U2AF1L4: variants seen among roughly 807,000 people sequenced by gnomAD.
The protein encoded by U2AF1L4 is U2 small nuclear RNA auxiliary factor 1 like 4, also known as splicing factor U2AF 26 kDa subunit.
U2AF1L4 carries 21 observed loss-of-function variants against 21.7 expected under a neutral mutation model. The ratio of observed to expected loss-of-function variants is 0.97; its 90% CI spans 0.69 to 1.39. U2AF1L4 has a LOEUF of 1.39. Among genes scored for constraint, U2AF1L4 ranks in the 40% most tolerant of loss-of-function variants. The pLI, the probability that U2AF1L4 is intolerant of heterozygous loss-of-function variation, is 0.00. For synonymous variants in U2AF1L4, 92 were observed against 89.7 expected (o/e 1.03, Z -0.15); for missense variants, 259 against 245.7 (o/e 1.05, Z -0.36).
rs758026468 is a variant in U2AF1L4 at position 35,745,317 on chromosome 19, C to G, written c.44+31G>C. The G allele has an allele frequency of 6.9e-6, 11 of 1,605,012 alleles. No individual in the cohort carries two copies. The Admixed American group carries it at 8.3e-5, about 12-fold the overall frequency. On this transcript the variant is annotated intron_variant, in intron 1 of 5. Transcript: ENST00000378975. ...ACCCCAGTACCCCGGCCCCGACCCC[C>G]CGAGAGTCCACTCCCAGCGCCCGTT...
chr19:35,742,817 C>T lies in U2AF1L4; in HGVS notation c.462-14G>A, dbSNP rs113010913. 44 of 1,606,578 alleles carry T rather than the reference C, an allele frequency of 2.7e-5. No individual in the cohort carries two copies. The Admixed American group carries it at 5.4e-4, about 20-fold the overall frequency. ...CTCGGGGGTGACCTGGGAATAGGAG[C>T]GTTGAGAGTTCTGTTAGAACCCTGA... On this transcript the variant is annotated splice_polypyrimidine_tract_variant and intron_variant, in intron 5 of 5. Coordinates refer to ENST00000378975, the MANE Select transcript of U2AF1L4 (RefSeq NM_001040425.3).
rs200975976 is a variant in U2AF1L4, at chr19:35,744,060, G to C, written c.317C>G (p.Ser106Cys). Residue 106 changes from serine (S) to cysteine (C), a missense_variant, in exon 4 of 6, where the codon TCT (serine) becomes TGT (cysteine). Physicochemically the swap from Ser to Cys is moderately radical, Grantham distance 112 (BLOSUM62 -1). Transcript: ENST00000378975. The part of the protein sequence containing the change: ...FNGQAVHGEL[S>C]PVTDFRESCC... ...TGACTCCCGGAAGTCAGTGACAGGAGACAGCTCACCGTGCACAGCCTGCCC... is the reference window on the plus strand; with the variant it reads ...TGACTCCCGGAAGTCAGTGACAGGACACAGCTCACCGTGCACAGCCTGCCC... The C allele has an allele frequency of 5.7e-4, 926 of 1,613,920 alleles. No individual in the cohort carries two copies. Among genetic ancestry groups the C allele is most frequent in the Non-Finnish European group, 7.2e-4 (851 of 1,180,046 alleles).
At chr19:35,742,894 G>A in intron 5 of U2AF1L4, 91 bp from the exon 6 acceptor site, 1 of 1,218,668 alleles carries the variant, frequency 8.2e-7, no homozygotes, top group Non-Finnish European at 1.2e-6. Context: ...GGATGAGGCA[G>A]GAGGGTGCTG....
chr19:35,744,976 A>T (rs1003447402), intron 2 of U2AF1L4, 149 bp downstream of exon 2: 22 of 801,046 alleles, frequency 2.7e-5, no homozygotes, highest in Non-Finnish European at 4.3e-5. Flanking sequence ...GACCGGTGGG[A>T]GGAGCCTGCA....
rs541320327 is a variant in U2AF1L4, at chr19:35,744,553, C to T, written c.133-132G>A. 1.7e-5 allele frequency: 18 copies of T among 1,057,094 alleles called. No homozygotes were observed. In the South Asian group the frequency reaches 2.1e-4, roughly 13 times the overall value. The allele number at this position is 1,057,094 out of a possible 1,614,324, so 65.5% of individuals were successfully genotyped here. A position where few individuals can be genotyped will look rare whatever the true frequency, so the allele number is the denominator to read the frequency against. On this transcript the variant is annotated intron_variant, in intron 2 of 5. Coordinates refer to ENST00000378975, the MANE Select transcript of U2AF1L4 (RefSeq NM_001040425.3). ...TCACTCACATGACCTGGGGTGGGGG[C>T]GGGCAGGGTGGAATCAGAGTGTAGC...
rs555582805 is a variant in U2AF1L4 at position 35,744,930 on chromosome 19, G to C, written c.132+195C>G. On this transcript the variant is annotated intron_variant, in intron 2 of 5. Transcript: ENST00000378975. ...GCCGCCGTGTGTAGCCTGTACGCAT[G>C]GGGGCGCGACCAAGTTCCCGGGAAA... The C allele has an allele frequency of 3.6e-4, 258 of 710,388 alleles. No homozygotes were observed. In the African/African-American group the frequency reaches 4.0e-3, roughly 11 times the overall value. 44.0% of individuals were successfully genotyped at this position (710,388 alleles called of 1,614,324 possible).
In U2AF1L4 at chr19:35,744,024, T is replaced by C; in HGVS notation, c.353A>G (p.Gln118Arg). Reference sequence around the variant, plus strand: ...TGAACTACCATACCCCATCTCATACTGGCGACAGCATGACTCCCGGAAGTC... The same window carrying C: ...TGAACTACCATACCCCATCTCATACCGGCGACAGCATGACTCCCGGAAGTC... ...VTDFRESCCR[Q>R]YEMGECTRGG... is the part of the protein sequence containing the mutation. The change falls in exon 4 of 6, where the codon CAG becomes CGG. Residue 118 changes from glutamine (Q) to arginine (R), a missense_variant. Gln to Arg is a conservative substitution (Grantham distance 43). Transcript: ENST00000378975. 6.2e-7 allele frequency: 1 copy of C among 1,613,998 alleles called. No individual in the cohort carries two copies. The highest frequency in any genetic ancestry group is 8.5e-7 in the Non-Finnish European group (1 of 1,180,008).
intron 2 of U2AF1L4, 107 bp downstream of exon 2, chr19:35,745,018 T>G (rs1886770929): frequency 9.0e-7 from 1 of 1,114,882 alleles, no homozygotes; most frequent in South Asian, 1.4e-5. Context: ...AGCCGGGCGG[T>G]GGGGAGGGAC....
At chr19:35,745,040 G>A (rs1970503977) in intron 2 of U2AF1L4, 85 bp downstream of exon 2, 1 of 1,375,588 alleles carries the variant, frequency 7.3e-7, no homozygotes, top group African/African-American at 1.4e-5. Context: ...CAGGAACCCG[G>A]AATAGGCGGG....
chr19:35,742,775 G>A lies in U2AF1L4; in HGVS notation c.490C>T (p.His164Tyr). 6.2e-7 allele frequency: 1 copy of A among 1,610,816 alleles called. No homozygotes were observed. Among genetic ancestry groups the A allele is most frequent in the Non-Finnish European group, 8.5e-7 (1 of 1,179,414 alleles). The stretch of plus-strand genomic sequence containing the variant: ...CACCGATGGTTCCTCTCTCGGGGAT[G>A]GTGGCCAGTATGGAACCTCGGGGGT... ...RSPPRFHTGHHPRERNHRCSP... is the reference protein window; with the variant it reads ...RSPPRFHTGHYPRERNHRCSP... The change falls in exon 6 of 6, where the codon CAT (histidine) becomes TAT (tyrosine). Residue 164 changes from histidine to tyrosine, a missense_variant. By Grantham distance (83) the His-to-Tyr change is moderately conservative. Coordinates refer to ENST00000378975, the MANE Select transcript of U2AF1L4 (RefSeq NM_001040425.3).
chr19:35,745,110 C>A lies in U2AF1L4; in HGVS notation c.132+15G>T, dbSNP rs766092256. ...AGGGAGCCGTTAACCCCCGAGGCTCCGTGCCGGGTCTCACCTGGCTGAATG... is the reference window on the plus strand; with the variant it reads ...AGGGAGCCGTTAACCCCCGAGGCTCAGTGCCGGGTCTCACCTGGCTGAATG... On this transcript the variant is annotated intron_variant, in intron 2 of 5. Coordinates refer to ENST00000378975, the MANE Select transcript of U2AF1L4 (RefSeq NM_001040425.3). 10 of 1,611,568 alleles carry A rather than the reference C, an allele frequency of 6.2e-6. No homozygotes were observed. The Middle Eastern group carries it at 1.0e-3, about 164-fold the overall frequency.
Position 35,742,820 on chromosome 19 carries a change from TGA to T in U2AF1L4, c.462-19_462-18del. On this transcript the variant is annotated intron_variant, in intron 5 of 5. Coordinates refer to ENST00000378975, the MANE Select transcript of U2AF1L4 (RefSeq NM_001040425.3). ...GGGGGTGACCTGGGAATAGGAGCGT[TGA>T]GAGTTCTGTTAGAACCCTGAGGAGT... 6.2e-7 allele frequency: 1 copy of T among 1,605,340 alleles called. No homozygotes were observed. Among genetic ancestry groups the T allele is most frequent in the East Asian group, 2.2e-5 (1 of 44,828 alleles).
At chr19:35,742,946 CAG>C in intron 5 of U2AF1L4, 143 bp from the exon 6 acceptor site, 1 of 770,824 alleles carries the variant, frequency 1.3e-6, no homozygotes, top group African/African-American at 1.8e-5. Context: ...TGGCCAGTAT[CAG>C]GGGAACTCAG....
intron 1 of U2AF1L4, 67 bp downstream of exon 1, chr19:35,745,281 C>T: frequency 1.3e-6 from 2 of 1,599,678 alleles, no homozygotes; most frequent in Admixed American, 1.7e-5. Context: ...AACACCGCCC[C>T]ACCACCCAGG....
rs760543016 is a variant in U2AF1L4 at position 35,745,156 on chromosome 19, G to A, written c.101C>T (p.Ser34Phe). The change falls in exon 2 of 6, where the codon TCC (serine) becomes TTC (phenylalanine). Residue 34 changes from serine (S) to phenylalanine (F), a missense_variant. Physicochemically the swap from Ser to Phe is radical, Grantham distance 155 (BLOSUM62 -2). Transcript: ENST00000378975. ...IGVCRHGDRCSRLHNKPTFSQ... is the reference protein window; with the variant it reads ...IGVCRHGDRCFRLHNKPTFSQ... Reference sequence around the variant, plus strand: ...GAATGTCGGCTTGTTGTGAAGCCGGGAGCACCGGTCCCCGTGCCGGCAGAC... The same window carrying A: ...GAATGTCGGCTTGTTGTGAAGCCGGAAGCACCGGTCCCCGTGCCGGCAGAC... The A allele has an allele frequency of 6.2e-7, 1 of 1,613,430 alleles. No individual in the cohort carries two copies. Among genetic ancestry groups the A allele is most frequent in the African/African-American group, 1.3e-5 (1 of 74,898 alleles).
chr19:35,742,656 G>C lies in U2AF1L4; in HGVS notation c.*63C>G. On this transcript the variant is annotated 3_prime_UTR_variant, in exon 6 of 6. Coordinates refer to ENST00000378975, the MANE Select transcript of U2AF1L4 (RefSeq NM_001040425.3). Reference sequence around the variant, plus strand: ...GGGGCAGGAGAGTGAAGGGGGCTTTGAGGAGAGGTCCTGCCAGGAACATCT... The same window carrying C: ...GGGGCAGGAGAGTGAAGGGGGCTTTCAGGAGAGGTCCTGCCAGGAACATCT... 1.2e-6 allele frequency: 2 copies of C among 1,613,476 alleles called. No homozygotes were observed. The highest frequency in any genetic ancestry group is 2.2e-5 in the South Asian group (2 of 91,084).
chr19:35,744,237 GA>G lies in U2AF1L4; in HGVS notation c.231+85del, dbSNP rs1443275949. 5.0e-6 allele frequency: 8 copies of G among 1,605,542 alleles called. No homozygotes were observed. In the African/African-American group the frequency reaches 1.1e-4, roughly 21 times the overall value. ...CTGGGGCTGGACTGGATTTAGTGAT[GA>G]AATTCAAGCTGAGAGCCTACAGTGG... On this transcript the variant is annotated intron_variant, in intron 3 of 5. Transcript: ENST00000378975.
Position 35,744,364 on chromosome 19 carries a change from C to G in U2AF1L4, c.190G>C (p.Asp64His), listed in dbSNP as rs200347648. Reference protein sequence around the residue: ...YGEIEEMNVCDNLGDHLVGNV... With the variant: ...YGEIEEMNVCHNLGDHLVGNV... ...CCCACGAGGTGGTCCCCAAGGTTGTCGCACACATTCATCTCTTCAATCTCC... is the reference window on the plus strand; with the variant it reads ...CCCACGAGGTGGTCCCCAAGGTTGTGGCACACATTCATCTCTTCAATCTCC... The change falls in exon 3 of 6, where the codon GAC (aspartate) becomes CAC (histidine). Residue 64 changes from aspartate to histidine, a missense_variant. Transcript: ENST00000378975. 1 of 1,614,048 alleles carries G rather than the reference C, an allele frequency of 6.2e-7. No homozygotes were observed. The highest frequency in any genetic ancestry group is 8.5e-7 in the Non-Finnish European group (1 of 1,180,050).
chr19:35,743,686 CAAAAAAAAAAAAA>C, intron 5 of U2AF1L4, 110 bp downstream of exon 5: 1 of 491,366 alleles, frequency 2.0e-6, no homozygotes, highest in Non-Finnish European at 3.3e-6. Flanking sequence ...GGCTCCATCT[CAAAAAAAAAAAAA>C]AAAAAAAAAG....
Sources: gnomAD v4.1 joint callset for allele counts on GRCh38, gnomAD v4.1.1 for gene constraint, MANE v1.5 for transcripts, NCBI Gene and HGNC (gene_info 2026-07-23, HGNC 2026-07-21) for gene names.